The following GRIN2A variants were observed in gnomAD, a reference collection of about 807,000 sequenced individuals.
GRIN2A encodes the protein glutamate receptor ionotropic, NMDA 2A.
Under a neutral mutation model 113.4 loss-of-function variants are expected in GRIN2A, and 22 were observed. The ratio of observed to expected loss-of-function variants is 0.19; its 90% confidence interval spans 0.14 to 0.28. The LOEUF is 0.28. GRIN2A is among the 10% of genes least tolerant of loss of function. The probability of loss-of-function intolerance (pLI) is 1.00; values close to 1 mark genes in which losing one functional copy is unlikely to be tolerated. For missense variants in GRIN2A, 1,502 were observed against 1,887.0 expected (o/e 0.80, Z 3.78); for synonymous variants, 827 against 738.4 (o/e 1.12, Z -1.94).
rs569568593 is a variant in GRIN2A at position 9,918,270 on chromosome 16, G to C, written c.1007+19689C>G. Among the ~76,000 whole-genome samples the C allele has an allele frequency of 3.3e-4, 51 of 152,248 alleles. No individual in the cohort carries two copies. The South Asian group carries it at 4.4e-3, about 13-fold the overall frequency. On this transcript the variant is annotated intron_variant, in intron 3 of 12. Transcript: ENST00000330684. The stretch of plus-strand genomic sequence containing the variant: ...ACTGCAGTATCTCCCTATCCACAGG[G>C]AATATGTTCCAAGATCCCCAGTGGA...
chr16:10,180,357 G>A lies in GRIN2A; in HGVS notation c.55C>T (p.Arg19Cys), dbSNP rs768469157. ...LLVLPALLVW[R>C]GPAPSAAAEK... ...GCCGCCGCGCTCGGCGCCGGACCGCGCCAGACCAGAAGGGCCGGCAGCACC... is the reference window on the plus strand; with the variant it reads ...GCCGCCGCGCTCGGCGCCGGACCGCACCAGACCAGAAGGGCCGGCAGCACC... The change falls in exon 2 of 13, where the codon CGC becomes TGC. Residue 19 changes from arginine to cysteine, a missense_variant. By Grantham distance (180) the Arg-to-Cys change is radical. Coordinates refer to ENST00000330684, the MANE Select transcript of GRIN2A (RefSeq NM_001134407.3). This position sits in a 1 kb window ranked among gnomAD's most constrained non-coding sequence, Gnocchi z 7.0. 9.3e-6 allele frequency: 15 copies of A among 1,608,288 alleles called. No homozygotes were observed. The highest frequency in any genetic ancestry group is 1.3e-5 in the Non-Finnish European group (15 of 1,179,858).
intron 2 of GRIN2A, among the ~76,000 whole-genome samples, chr16:10,151,769 C>T (rs1457865604): frequency 6.6e-6 from 1 of 152,170 alleles, no homozygotes; most frequent in African/African-American, 2.4e-5. Context: ...TCTACCAAGG[C>T]CTCCGAGTTC....
At chr16:9,839,615 G>A (rs1474849235) in intron 7 of GRIN2A, among the ~76,000 whole-genome samples, 2 of 152,270 alleles carry the variant, frequency 1.3e-5, no homozygotes, top group South Asian at 2.1e-4. Context: ...AATGACTGCT[G>A]TTCTTTGTGG....
At chr16:10,063,380 A>C (rs927495019) in intron 2 of GRIN2A, among the ~76,000 whole-genome samples, 3 of 152,224 alleles carry the variant, frequency 2.0e-5, no homozygotes, top group Non-Finnish European at 4.4e-5. Flanking sequence ...ATTATAATTT[A>C]AAAATGGGTT....
At chr16:9,936,832 C>T (rs1198690736) in intron 3 of GRIN2A, among the ~76,000 whole-genome samples, 2 of 152,084 alleles carry the variant, frequency 1.3e-5, no homozygotes, top group Non-Finnish European at 2.9e-5. Flanking sequence ...GAAGTTTCCC[C>T]AAAGCGTAAC....
intron 5 of GRIN2A, among the ~76,000 whole-genome samples, chr16:9,842,827 C>G (rs955824640): frequency 4.6e-5 from 7 of 151,968 alleles, no homozygotes; most frequent in African/African-American, 7.3e-5. Context: ...ATCCCAGCTA[C>G]ACAGGAGGCA....
intron 2 of GRIN2A, among the ~76,000 whole-genome samples, chr16:10,042,336 T>C (rs7203034): frequency 0.74 from 112,982 of 151,982 alleles, 42,378 homozygotes; most frequent in East Asian, 1. Context: ...TTTGGATCAC[T>C]CACTCTGAGG....
intron 10 of GRIN2A, among the ~76,000 whole-genome samples, chr16:9,811,009 A>AACTC (rs1275077828): frequency 6.6e-6 from 1 of 152,072 alleles, no homozygotes; most frequent in Non-Finnish European, 1.5e-5. Context: ...GTGCCAGGAA[A>AACTC]ACTCACTTCT....
At chr16:9,872,213 G>A (rs9989382) in intron 4 of GRIN2A, among the ~76,000 whole-genome samples, 3 of 151,988 alleles carry the variant, frequency 2.0e-5, no homozygotes, top group East Asian at 3.9e-4. Flanking sequence ...CAGAATTAGC[G>A]GGAGTCTCAC....
At chr16:10,167,563 A>C (rs1429998487) in intron 2 of GRIN2A, among the ~76,000 whole-genome samples, 4 of 152,200 alleles carry the variant, frequency 2.6e-5, no homozygotes, top group Non-Finnish European at 2.9e-5. Context: ...AGAAATTTCC[A>C]TTCCAATTAA....
chr16:9,920,413 C>T (rs917548006), intron 3 of GRIN2A, among the ~76,000 whole-genome samples: 1 of 152,104 alleles, frequency 6.6e-6, no homozygotes, highest in African/African-American at 2.4e-5. Flanking sequence ...CTAAGAAATG[C>T]TCTCTTTTGA....
At chr16:9,957,143 T>A (rs1218955007) in intron 2 of GRIN2A, among the ~76,000 whole-genome samples, 1 of 152,122 alleles carries the variant, frequency 6.6e-6, no homozygotes, top group Non-Finnish European at 1.5e-5. Flanking sequence ...GCTCCTAACT[T>A]CCTCCACCCT....
At chr16:10,034,472 C>T (rs1306667213) in intron 2 of GRIN2A, among the ~76,000 whole-genome samples, 1 of 143,348 alleles carries the variant, frequency 7.0e-6, no homozygotes, top group Non-Finnish European at 1.5e-5. Context: ...TTGCAGTGAG[C>T]CAAGATCGTG....
chr16:9,814,643 A>G (rs1172227927), intron 10 of GRIN2A, among the ~76,000 whole-genome samples: 2 of 152,150 alleles, frequency 1.3e-5, no homozygotes, highest in East Asian at 3.9e-4. Context: ...GTCACTACAG[A>G]ACTCCATTTC....
At chr16:9,912,938 G>A (rs1194184558) in intron 3 of GRIN2A, among the ~76,000 whole-genome samples, 1 of 152,240 alleles carries the variant, frequency 6.6e-6, no homozygotes, top group Non-Finnish European at 1.5e-5. Flanking sequence ...ACATAGAAGA[G>A]TTTTAAGGTT....
intron 11 of GRIN2A, chr16:9,794,657 A>G (rs1235563500): frequency 1.3e-4 from 20 of 152,212 alleles, no homozygotes; most frequent in Non-Finnish European, 2.1e-4. Flanking sequence ...ACATTTCCCA[A>G]ACCCAAGTCT....
rs71157796 is a variant in GRIN2A at position 9,979,785 on chromosome 16, C to CTATATA, written c.415-41240_415-41235dup. On this transcript the variant is annotated intron_variant, in intron 2 of 12. Coordinates refer to ENST00000330684, the MANE Select transcript of GRIN2A (RefSeq NM_001134407.3). ...TATATACATATAAGGGACTATGGGA[C>CTATATA]TATATATATATATATATATATATAT... Among the ~76,000 whole-genome samples, 752 of 122,292 alleles carry CTATATA rather than the reference C, an allele frequency of 6.1e-3. 10 individuals carry two copies. The highest frequency in any genetic ancestry group is 0.018 in the African/African-American group (633 of 34,662). 80.2% of individuals were successfully genotyped at this position (122,292 alleles called of 152,430 possible).
intron 10 of GRIN2A, among the ~76,000 whole-genome samples, chr16:9,801,165 G>T (rs1903339286): frequency 6.6e-6 from 1 of 152,214 alleles, no homozygotes; most frequent in East Asian, 1.9e-4. Context: ...TAGGGAAATT[G>T]AAACTCTGGA....
At chr16:9,961,304 G>A (rs114514973) in intron 2 of GRIN2A, among the ~76,000 whole-genome samples, 271 of 152,154 alleles carry the variant, frequency 1.8e-3, no homozygotes, top group African/African-American at 6.3e-3. Flanking sequence ...CTCCAGACAG[G>A]GAACTCATCT....
Sources: gnomAD v4.1 joint callset for allele counts (sites outside exome capture counted in the v4.1 genomes callset) on GRCh38, gnomAD v4.1.1 for gene constraint, Gnocchi (gnomAD v3.1) non-coding constraint, MANE v1.5 for transcripts, NCBI Gene and HGNC (gene_info 2026-07-23, HGNC 2026-07-21) for gene names.